The following FREM1 variants were observed in gnomAD, a reference collection of about 807,000 sequenced individuals.
FREM1 encodes FRAS1 related extracellular matrix 1.
In FREM1, 220 loss-of-function variants were observed where a neutral mutation model predicts 210.1. That is an observed-to-expected ratio of 1.05 (90% CI 0.94 to 1.17). The LOEUF is 1.17. FREM1 is among the 50% of genes most tolerant of loss of function. FREM1 has a pLI of 0.00. For synonymous variants in FREM1, 1,189 were observed against 980.2 expected (o/e 1.21, Z -3.98); for missense variants, 3,454 against 2,675.5 (o/e 1.29, Z -6.42).
intron 1 of FREM1, among the ~76,000 whole-genome samples, chr9:14,888,553 C>T (rs1436574354): frequency 6.6e-6 from 1 of 152,120 alleles, no homozygotes; most frequent in African/African-American, 2.4e-5. Flanking sequence ...AGAGAGATAC[C>T]CTGTCTACCA....
chr9:14,783,223 T>C (rs1033331280), intron 24 of FREM1, among the ~76,000 whole-genome samples: 1 of 152,216 alleles, frequency 6.6e-6, no homozygotes, highest in Non-Finnish European at 1.5e-5. Flanking sequence ...AGCAGCATCC[T>C]CTTTACTGAC....
At chr9:14,862,822 T>G (rs1485649279) in intron 3 of FREM1, among the ~76,000 whole-genome samples, 4 of 152,160 alleles carry the variant, frequency 2.6e-5, no homozygotes, top group Non-Finnish European at 4.4e-5. Context: ...GCTTCGTTGT[T>G]TTTTTATGGC....
chr9:14,884,811 T>C (rs1014615360), intron 1 of FREM1, among the ~76,000 whole-genome samples: 14 of 152,098 alleles, frequency 9.2e-5, no homozygotes, highest in African/African-American at 3.4e-4. Context: ...TATTTACTAT[T>C]CTTCCTCTCT....
At position 14,897,473 on chromosome 9, in the gene FREM1, A is replaced by G. The variant is rs1223516149; in HGVS notation, c.-268+12441T>C. 4.8e-5 allele frequency among the ~76,000 whole-genome samples: 6 copies of G among 125,096 alleles called. No homozygotes were observed. In the East Asian group the frequency reaches 1.5e-3, roughly 31 times the overall value. The allele number at this position is 125,096 out of a possible 152,430, so 82.1% of individuals were successfully genotyped here. ...TAGACAATTGGTTGTTGCTTTACCC[A>G]CTGATGCAAGCAAAGTGGGGAATGT... On this transcript the variant is annotated intron_variant, in intron 1 of 36. Transcript: ENST00000380880.
At chr9:14,740,918 C>T (rs1393597908) in intron 35 of FREM1, among the ~76,000 whole-genome samples, 1 of 152,054 alleles carries the variant, frequency 6.6e-6, no homozygotes, top group Non-Finnish European at 1.5e-5. Flanking sequence ...CCCAGCAGTG[C>T]TCATTAAAAC....
chr9:14,886,890 T>C (rs1038244609), intron 1 of FREM1, among the ~76,000 whole-genome samples: 1 of 121,914 alleles, frequency 8.2e-6, no homozygotes, highest in Non-Finnish European at 1.6e-5. Flanking sequence ...AGTGAGACCT[T>C]GTTTCAAAAA....
chr9:14,771,283 G>A (rs999575128), intron 25 of FREM1, among the ~76,000 whole-genome samples: 2 of 152,034 alleles, frequency 1.3e-5, no homozygotes, highest in Non-Finnish European at 2.9e-5. Flanking sequence ...AATTGTGAGG[G>A]TTTACAAATA....
intron 6 of FREM1, among the ~76,000 whole-genome samples, chr9:14,850,692 A>G (rs1827550564): frequency 6.6e-6 from 1 of 152,188 alleles, no homozygotes. Context: ...ACACACCTGC[A>G]CATCCTGCAC....
intron 1 of FREM1, among the ~76,000 whole-genome samples, chr9:14,895,650 C>T (rs1837579591): frequency 6.6e-6 from 1 of 151,800 alleles, no homozygotes; most frequent in African/African-American, 2.4e-5. Context: ...TGCTGTTGTA[C>T]TCTTTGTGTA....
intron 5 of FREM1, among the ~76,000 whole-genome samples, chr9:14,853,063 G>A (rs1828061325): frequency 1.3e-5 from 2 of 152,188 alleles, no homozygotes; most frequent in African/African-American, 4.8e-5. Context: ...TCACTTTCCT[G>A]ACCTTCAACA....
chr9:14,751,990 G>T (rs754829262), intron 29 of FREM1: 9 of 150,222 alleles, frequency 6.0e-5, no homozygotes, highest in Non-Finnish European at 1.2e-4. Context: ...AAAAGCAGAA[G>T]TTGAAGCATC....
Position 14,863,881 on chromosome 9 carries a change from G to A in FREM1, c.257C>T (p.Pro86Leu), listed in dbSNP as rs1564115219. 1 of 1,610,752 alleles carries A rather than the reference G, an allele frequency of 6.2e-7. No homozygotes were observed. Among genetic ancestry groups the A allele is most frequent in the Non-Finnish European group, 8.5e-7 (1 of 1,177,060 alleles). The change falls in exon 3 of 37, where the codon CCC becomes CTC. Residue 86 changes from proline (P) to leucine (L), a missense_variant. Coordinates refer to ENST00000380880, the MANE Select transcript of FREM1 (RefSeq NM_001379081.2). ...TPQVFDCHFL[P>L]NEVKYVHNGC... ...ATTGTGAACATACTTGACTTCGTTG[G>A]GAAGGAAATGGCAGTCAAAGACCTA...
At chr9:14,760,462 A>G (rs1358254553) in intron 27 of FREM1, among the ~76,000 whole-genome samples, 2 of 152,206 alleles carry the variant, frequency 1.3e-5, no homozygotes, top group Non-Finnish European at 2.9e-5. Context: ...CTGTGCATAA[A>G]AAAAGGACTC....
chr9:14,832,364 C>A (rs2130993777), intron 10 of FREM1, among the ~76,000 whole-genome samples: 1 of 152,222 alleles, frequency 6.6e-6, no homozygotes, highest in East Asian at 1.9e-4. Context: ...ACAGAGTTGG[C>A]AAACCCTCAC....
intron 1 of FREM1, among the ~76,000 whole-genome samples, chr9:14,879,230 C>T (rs1834346235): frequency 6.6e-6 from 1 of 151,522 alleles, no homozygotes; most frequent in Non-Finnish European, 1.5e-5. Context: ...ACGTGAATTC[C>T]GTTACTGAGA....
intron 19 of FREM1, 46 bp from the exon 20 acceptor site, chr9:14,801,920 C>T (rs1485819445): frequency 1.5e-6 from 2 of 1,378,232 alleles, no homozygotes; most frequent in African/African-American, 2.9e-5. Flanking sequence ...TAAAAGACAA[C>T]TTGTCTTTCT....
chr9:14,784,828 C>T (rs557852676), intron 23 of FREM1, among the ~76,000 whole-genome samples, 194 bp from the exon 24 acceptor site: 2 of 152,190 alleles, frequency 1.3e-5, no homozygotes, highest in South Asian at 2.1e-4. Context: ...AAGAAATTCA[C>T]GTGGCCAGTA....
intron 5 of FREM1, among the ~76,000 whole-genome samples, chr9:14,854,790 T>G (rs897677638): frequency 1.3e-5 from 2 of 151,994 alleles, no homozygotes; most frequent in Non-Finnish European, 2.9e-5. Context: ...GAAGATATAA[T>G]GGGAGAAAAA....
At chr9:14,793,383 T>C (rs1283298948) in intron 21 of FREM1, among the ~76,000 whole-genome samples, 1 of 152,212 alleles carries the variant, frequency 6.6e-6, no homozygotes, top group African/African-American at 2.4e-5. Context: ...TCTAAATTAC[T>C]CTTCCTCTTC....
Sources: gnomAD v4.1 joint callset for allele counts (sites outside exome capture counted in the v4.1 genomes callset) on GRCh38, gnomAD v4.1.1 for gene constraint, MANE v1.5 for transcripts, NCBI Gene and HGNC (gene_info 2026-07-23, HGNC 2026-07-21) for gene names.